WNK3: variants seen among roughly 807,000 people sequenced by gnomAD.
WNK3 encodes the protein WNK lysine deficient protein kinase 3, also known as serine/threonine-protein kinase WNK3.
Under a neutral mutation model 116.7 loss-of-function variants are expected in WNK3, and 18 were observed. The observed-to-expected ratio is 0.15, with a 90% CI of 0.11 to 0.23. The LOEUF (loss-of-function observed/expected upper bound fraction) is 0.23, where lower values mean the gene tolerates loss of function less well. Among genes scored for constraint, WNK3 ranks in the 10% least tolerant of loss-of-function variants. WNK3 has a pLI of 1.00. For missense variants in WNK3, 993 were observed against 1,323.8 expected (o/e 0.75, Z 3.88); for synonymous variants, 404 against 469.4 (o/e 0.86, Z 1.80).
At chrX:54,259,606 AT>A (rs1295391643) in intron 10 of WNK3, among the ~76,000 whole-genome samples, 1 of 111,571 alleles carries the variant, frequency 9.0e-6, no homozygotes, top group Non-Finnish European at 1.9e-5. Flanking sequence ...GTTTTGAGTT[AT>A]TTTTCAATGG....
intron 10 of WNK3, among the ~76,000 whole-genome samples, chrX:54,266,108 G>A (rs782714147): frequency 8.9e-5 from 10 of 112,467 alleles, no homozygotes; most frequent in Admixed American, 7.6e-4. Context: ...ACACAACAGA[G>A]CACTATGCAG....
intron 21 of WNK3, among the ~76,000 whole-genome samples, chrX:54,231,000 T>C (rs1301853773): frequency 8.9e-6 from 1 of 112,345 alleles, no homozygotes; most frequent in East Asian, 2.8e-4. Flanking sequence ...GCAGGGACAG[T>C]CAAATTTTCT....
At chrX:54,302,766 T>TA (rs1392407531) in intron 5 of WNK3, among the ~76,000 whole-genome samples, 1 of 75,612 alleles carries the variant, frequency 1.3e-5, no homozygotes, top group East Asian at 3.9e-4. Flanking sequence ...TATTTTTTTT[T>TA]TTTTTTTTAT....
intron 22 of WNK3, among the ~76,000 whole-genome samples, chrX:54,216,636 G>A (rs782332135): frequency 1.8e-5 from 2 of 111,580 alleles, no homozygotes; most frequent in Non-Finnish European, 3.8e-5. Context: ...CCTAAGAAAG[G>A]AGAAGGTGCC....
At chrX:54,266,881 C>A (rs1205470829) in intron 10 of WNK3, among the ~76,000 whole-genome samples, 6 of 110,372 alleles carry the variant, frequency 5.4e-5, no homozygotes, top group African/African-American at 2.0e-4. Context: ...TCCTAATGCT[C>A]TCCCTCCCCT....
exon 24 of WNK3, chrX:54,196,705 C>G (rs11091330): frequency 9.0e-6 from 1 of 111,402 alleles, no homozygotes; most frequent in Non-Finnish European, 1.9e-5. Context: ...TTTAAGAATT[C>G]TATTTAGGTT....
At chrX:54,198,261 TA>T (rs1210643601) in exon 24 of WNK3, 2 of 953,101 alleles carry the variant, frequency 2.1e-6, no homozygotes, top group Admixed American at 7.7e-5. Context: ...GAAACTTTAA[TA>T]TCTTGGGTGT....
intron 1 of WNK3, among the ~76,000 whole-genome samples, chrX:54,354,141 C>T (rs1373349398): frequency 9.0e-6 from 1 of 110,951 alleles, no homozygotes; most frequent in Non-Finnish European, 1.9e-5. Flanking sequence ...CATCAAAGCT[C>T]ATTTCTGTAG....
chrX:54,327,547 A>G (rs1557173686), intron 2 of WNK3, among the ~76,000 whole-genome samples: 1 of 111,680 alleles, frequency 9.0e-6, no homozygotes, highest in Non-Finnish European at 1.9e-5. Context: ...AACACGCAAA[A>G]ATAAAATTTA....
At chrX:54,286,935 A>G (rs2068588380) in intron 10 of WNK3, among the ~76,000 whole-genome samples, 1 of 109,548 alleles carries the variant, frequency 9.1e-6, no homozygotes, top group Non-Finnish European at 1.9e-5. Flanking sequence ...AAAGCAATCA[A>G]TTCCCCAAAT....
chrX:54,325,492 A>G (rs2069089054), intron 2 of WNK3, among the ~76,000 whole-genome samples: 1 of 108,902 alleles, frequency 9.2e-6, no homozygotes, highest in African/African-American at 3.3e-5. Flanking sequence ...TAGCCTGGCC[A>G]AAATGGTGAA....
At chrX:54,326,121 C>T (rs1372780468) in intron 2 of WNK3, among the ~76,000 whole-genome samples, 4 of 104,893 alleles carry the variant, frequency 3.8e-5, no homozygotes, top group East Asian at 3.0e-4. Context: ...GATGAAGTCT[C>T]GCTCTGTTGC....
At chrX:54,205,337 G>T (rs782183141) in intron 22 of WNK3, among the ~76,000 whole-genome samples, 2 of 111,222 alleles carry the variant, frequency 1.8e-5, no homozygotes, top group South Asian at 7.6e-4. Flanking sequence ...AATGAAAAAA[G>T]AACATTTCTC....
At chrX:54,270,391 C>T (rs1344204659) in intron 10 of WNK3, among the ~76,000 whole-genome samples, 1 of 106,361 alleles carries the variant, frequency 9.4e-6, no homozygotes, top group African/African-American at 3.4e-5. Flanking sequence ...AGCCACAGCG[C>T]CCGGCCTCTT....
chrX:54,347,727 A>C (rs906862810), intron 1 of WNK3, among the ~76,000 whole-genome samples: 11 of 104,204 alleles, frequency 1.1e-4, no homozygotes, highest in Non-Finnish European at 2.1e-4. Flanking sequence ...TATATATAAA[A>C]CACAATGTAT....
intron 2 of WNK3, among the ~76,000 whole-genome samples, chrX:54,313,373 TAG>T (rs2068909832): frequency 9.4e-6 from 1 of 106,687 alleles, no homozygotes; most frequent in Admixed American, 1.0e-4. Flanking sequence ...TTTTTTGAGA[TAG>T]AGTTTTGCTC....
At chrX:54,288,712 T>A (rs1200782092) in intron 10 of WNK3, among the ~76,000 whole-genome samples, 8 of 110,619 alleles carry the variant, frequency 7.2e-5, no homozygotes, top group Non-Finnish European at 1.1e-4. Flanking sequence ...TGGGATGGAG[T>A]CGCTGAAAGC....
upstream of WNK3, among the ~76,000 whole-genome samples, chrX:54,358,807 C>T (rs186470764): frequency 2.9e-3 from 326 of 113,173 alleles, 3 homozygotes; most frequent in African/African-American, 9.8e-3. Flanking sequence ...AGTTTTTCTT[C>T]CCACCTATGG....
intron 1 of WNK3, among the ~76,000 whole-genome samples, chrX:54,355,315 C>T (rs1181055072): frequency 9.0e-6 from 1 of 111,284 alleles, no homozygotes; most frequent in South Asian, 3.8e-4. Context: ...GTCAGAACTC[C>T]GGGGTTCACC....
Sources: gnomAD v4.1 joint callset for allele counts (sites outside exome capture counted in the v4.1 genomes callset) on GRCh38, gnomAD v4.1.1 for gene constraint, MANE v1.5 for transcripts, NCBI Gene and HGNC (gene_info 2026-07-23, HGNC 2026-07-21) for gene names.